Variants in QTMAN observed in about 807,000 individuals in gnomAD.
QTMAN encodes the protein queuosine-tRNA mannosyltransferase.
the QTMAN span, among the ~76,000 whole-genome samples, chr2:143,973,240 C>T: frequency 6.6e-6 from 1 of 152,172 alleles, no homozygotes; most frequent in Non-Finnish European, 1.5e-5. Context: ...AACAGGCCAG[C>T]TGCCTGAAGA....
chr2:144,012,249 G>T, the QTMAN span, among the ~76,000 whole-genome samples: 1 of 152,046 alleles, frequency 6.6e-6, no homozygotes, highest in East Asian at 1.9e-4. Context: ...GACACAGCTG[G>T]AACAAGCACT....
the QTMAN span, chr2:143,939,011 G>A: frequency 2.0e-5 from 3 of 152,206 alleles, no homozygotes; most frequent in African/African-American, 7.2e-5. Context: ...TAGATTAGCA[G>A]ATTAACAAAA....
the QTMAN span, among the ~76,000 whole-genome samples, chr2:144,066,950 T>C: frequency 6.6e-6 from 1 of 152,238 alleles, no homozygotes; most frequent in Admixed American, 6.5e-5. Flanking sequence ...TTGGCTCTCG[T>C]CTTTGACGCC....
chr2:144,324,791 A>G, the QTMAN span, among the ~76,000 whole-genome samples: 1 of 152,116 alleles, frequency 6.6e-6, no homozygotes, highest in South Asian at 2.1e-4. Context: ...TAAAGAAAAA[A>G]GTAAATTCAC....
At chr2:144,245,092 C>A in the QTMAN span, among the ~76,000 whole-genome samples, 1 of 152,188 alleles carries the variant, frequency 6.6e-6, no homozygotes, top group Non-Finnish European at 1.5e-5. Flanking sequence ...CTATTTGGCA[C>A]AGGGCTTGGC....
chr2:144,186,201 A>G, the QTMAN span, among the ~76,000 whole-genome samples: 1 of 152,242 alleles, frequency 6.6e-6, no homozygotes, highest in Non-Finnish European at 1.5e-5. Context: ...TTAGAGGTAC[A>G]CACCTTAATC....
At chr2:144,165,688 T>C in the QTMAN span, among the ~76,000 whole-genome samples, 3 of 152,296 alleles carry the variant, frequency 2.0e-5, no homozygotes, top group East Asian at 1.9e-4. Context: ...GAATTCTTCA[T>C]CTAATTCAAT....
chr2:144,325,244 T>C, the QTMAN span, among the ~76,000 whole-genome samples: 4 of 152,186 alleles, frequency 2.6e-5, no homozygotes, highest in Non-Finnish European at 5.9e-5. Context: ...GGCTTTAATT[T>C]CAAACAACTT....
At chr2:144,005,370 C>T in the QTMAN span, among the ~76,000 whole-genome samples, 43 of 152,126 alleles carry the variant, frequency 2.8e-4, no homozygotes, top group Admixed American at 1.4e-3. Flanking sequence ...GTGTGTCAGG[C>T]GGGAACCTGC....
At chr2:144,210,665 C>G in the QTMAN span, among the ~76,000 whole-genome samples, 1 of 152,156 alleles carries the variant, frequency 6.6e-6, no homozygotes, top group South Asian at 2.1e-4. Context: ...TCAATAAGTT[C>G]ACAGACACCC....
At chr2:144,303,828 AAACCCTATG>A in the QTMAN span, among the ~76,000 whole-genome samples, 1 of 152,214 alleles carries the variant, frequency 6.6e-6, no homozygotes, top group Admixed American at 6.5e-5. Context: ...AAAGAAAGGG[AAACCCTATG>A]ATTGCACCAG....
the QTMAN span, among the ~76,000 whole-genome samples, chr2:144,231,167 A>C: frequency 6.6e-6 from 1 of 152,148 alleles, no homozygotes; most frequent in African/African-American, 2.4e-5. Context: ...TTTGACACTA[A>C]AGTATGTACC....
At chr2:144,250,989 A>G in the QTMAN span, among the ~76,000 whole-genome samples, 1 of 152,266 alleles carries the variant, frequency 6.6e-6, no homozygotes, top group South Asian at 2.1e-4. Flanking sequence ...GTAAAATTTT[A>G]AAAGTTAAAA....
the QTMAN span, among the ~76,000 whole-genome samples, chr2:144,189,859 T>A: frequency 6.0e-4 from 91 of 152,198 alleles, no homozygotes; most frequent in African/African-American, 2.1e-3. Flanking sequence ...TGACCTCAGG[T>A]GATCCACCCA....
chr2:143,953,891 CTT>C, the QTMAN span, among the ~76,000 whole-genome samples: 1 of 151,800 alleles, frequency 6.6e-6, no homozygotes, highest in Non-Finnish European at 1.5e-5. Flanking sequence ...GTACATGAAA[CTT>C]AAGCTGTTTT....
At chr2:144,106,648 A>G in the QTMAN span, among the ~76,000 whole-genome samples, 1 of 152,216 alleles carries the variant, frequency 6.6e-6, no homozygotes, top group Admixed American at 6.5e-5. Flanking sequence ...CTCCCACACA[A>G]TAATAATGGA....
At chr2:143,968,652 T>C in the QTMAN span, among the ~76,000 whole-genome samples, 1 of 152,132 alleles carries the variant, frequency 6.6e-6, no homozygotes, top group South Asian at 2.1e-4. Flanking sequence ...TGGGGGGAAT[T>C]TCCTCCAGCA....
At chr2:144,158,215 C>T in the QTMAN span, among the ~76,000 whole-genome samples, 4 of 151,874 alleles carry the variant, frequency 2.6e-5, no homozygotes, top group African/African-American at 7.3e-5. Flanking sequence ...AGTAACAAGG[C>T]GAGATTCTCC....
chr2:144,303,589 TGATGA>T, the QTMAN span, among the ~76,000 whole-genome samples: 2 of 152,198 alleles, frequency 1.3e-5, no homozygotes, highest in Admixed American at 6.5e-5. Context: ...CAATTTTTTG[TGATGA>T]GATATGTATA....
Sources: gnomAD v4.1 joint callset for allele counts (sites outside exome capture counted in the v4.1 genomes callset) on GRCh38, gnomAD v4.1.1 for gene constraint, MANE v1.5 for transcripts, NCBI Gene and HGNC (gene_info 2026-07-23, HGNC 2026-07-21) for gene names.